The following HS3ST4 variants were observed in gnomAD, a reference collection of about 807,000 sequenced individuals.
The protein encoded by HS3ST4 is heparan sulfate glucosamine 3-O-sulfotransferase 4.
A neutral mutation model predicts 29.2 loss-of-function variants in HS3ST4; 17 were observed. The ratio of observed to expected loss-of-function variants is 0.58; its 90% CI spans 0.40 to 0.87. The LOEUF is 0.87. HS3ST4 is among the 40% of genes least tolerant of loss of function. The pLI is 0.00. For synonymous variants in HS3ST4, 314 were observed against 285.7 expected, an observed-to-expected ratio of 1.10 and a Z score of -1.00; for missense variants, 627 against 634.5, an observed-to-expected ratio of 0.99 and a Z score of 0.13.
intron 1 of HS3ST4, among the ~76,000 whole-genome samples, chr16:25,962,997 G>C (rs554816004): frequency 2.4e-4 from 37 of 152,296 alleles, no homozygotes; most frequent in Non-Finnish European, 4.3e-4. Flanking sequence ...TGTAGAGGAA[G>C]GTGTATTTAT....
At chr16:26,038,589 G>A (rs1969605869) in intron 1 of HS3ST4, among the ~76,000 whole-genome samples, 1 of 151,960 alleles carries the variant, frequency 6.6e-6, no homozygotes, top group South Asian at 2.1e-4. Context: ...CTCTGCTCAT[G>A]GGCCCTCTCT....
chr16:25,869,403 G>C (rs1314627043), intron 1 of HS3ST4, among the ~76,000 whole-genome samples: 1 of 152,156 alleles, frequency 6.6e-6, no homozygotes, highest in Non-Finnish European at 1.5e-5. Context: ...GCTGAAGGAA[G>C]ACCCCTCAGG....
intron 1 of HS3ST4, among the ~76,000 whole-genome samples, chr16:25,753,391 T>A (rs2141602792): frequency 6.6e-6 from 1 of 152,348 alleles, no homozygotes; most frequent in South Asian, 2.1e-4. Flanking sequence ...AGTCCAGGTC[T>A]CATAACATTA....
At position 25,788,540 on chromosome 16, in the gene HS3ST4, C is replaced by CTTTTTTTTT. The variant is rs34729954; in HGVS notation, c.734+95392_734+95393insTTTTTTTTT. ...TTCCTACATTTTTTTTTCTTTTCTT[C>CTTTTTTTTT]TTTCTTTTTTTTTTTTTTTTGACAG... On this transcript the variant is annotated intron_variant, in intron 1 of 1. Coordinates refer to ENST00000331351, the MANE Select transcript of HS3ST4 (RefSeq NM_006040.3). 1.5e-3 allele frequency among the ~76,000 whole-genome samples: 148 copies of CTTTTTTTTT among 99,044 alleles called. 5 individuals are homozygous for CTTTTTTTTT. The highest frequency in any genetic ancestry group is 2.2e-3 in the Non-Finnish European group (117 of 52,390). The allele number at this position is 99,044 out of a possible 152,430, so 65.0% of individuals were successfully genotyped here.
chr16:25,753,004 A>T (rs1292401922), intron 1 of HS3ST4, among the ~76,000 whole-genome samples: 1 of 152,220 alleles, frequency 6.6e-6, no homozygotes, highest in East Asian at 1.9e-4. Context: ...CATATGTTGG[A>T]CCCACAAAGA....
intron 1 of HS3ST4, among the ~76,000 whole-genome samples, chr16:26,081,790 T>C (rs1260592179): frequency 7.8e-6 from 1 of 129,008 alleles, no homozygotes; most frequent in African/African-American, 3.4e-5. Context: ...TACATTCTTT[T>C]TTTTTTTTTT....
rs1295632090 is a variant in HS3ST4 at position 25,873,267 on chromosome 16, C to T, written c.734+180116C>T. 2.0e-5 allele frequency among the ~76,000 whole-genome samples: 3 copies of T among 149,374 alleles called. No homozygotes were observed. The Admixed American group carries it at 2.0e-4, about 10-fold the overall frequency. On this transcript the variant is annotated intron_variant, in intron 1 of 1. Transcript: ENST00000331351. ...CCAGCTAGCAAGCCATCCATCCATC[C>T]ATTTGTCCATTCATCCATCCATCCA...
At chr16:25,768,375 A>G (rs982071478) in intron 1 of HS3ST4, among the ~76,000 whole-genome samples, 1 of 152,204 alleles carries the variant, frequency 6.6e-6, no homozygotes. Context: ...GGGCATCTGC[A>G]TTAGATCCCT....
chr16:25,812,447 A>G (rs1370455409), intron 1 of HS3ST4, among the ~76,000 whole-genome samples: 1 of 152,222 alleles, frequency 6.6e-6, no homozygotes, highest in Non-Finnish European at 1.5e-5. Flanking sequence ...ATTGCCTAAT[A>G]GTCTTCTAGT....
chr16:26,125,752 G>T (rs932082008), intron 1 of HS3ST4, among the ~76,000 whole-genome samples: 1 of 152,214 alleles, frequency 6.6e-6, no homozygotes, highest in East Asian at 1.9e-4. Context: ...TTCGCTCATC[G>T]CCTGGCTGGG....
At chr16:25,767,742 C>A (rs1289711658) in intron 1 of HS3ST4, among the ~76,000 whole-genome samples, 1 of 152,126 alleles carries the variant, frequency 6.6e-6, no homozygotes, top group East Asian at 1.9e-4. Context: ...ATGTCTGGCA[C>A]ATGGCAAACG....
At chr16:25,812,337 C>G (rs1967049726) in intron 1 of HS3ST4, among the ~76,000 whole-genome samples, 1 of 152,218 alleles carries the variant, frequency 6.6e-6, no homozygotes, top group African/African-American at 2.4e-5. Flanking sequence ...GCAGCATTGC[C>G]TAAATGCCCA....
chr16:26,020,789 C>T (rs1354392826), intron 1 of HS3ST4, among the ~76,000 whole-genome samples: 1 of 152,174 alleles, frequency 6.6e-6, no homozygotes, highest in African/African-American at 2.4e-5. Context: ...TTTAGGTGAT[C>T]CGTGTGCAGG....
At chr16:25,785,133 C>T (rs1336532727) in intron 1 of HS3ST4, among the ~76,000 whole-genome samples, 2 of 152,200 alleles carry the variant, frequency 1.3e-5, no homozygotes, top group African/African-American at 2.4e-5. Context: ...ACTGTTAAGA[C>T]CTACTGCTTT....
chr16:26,022,059 C>A (rs1969418219), intron 1 of HS3ST4, among the ~76,000 whole-genome samples: 1 of 151,548 alleles, frequency 6.6e-6, no homozygotes, highest in Non-Finnish European at 1.5e-5. Context: ...AACTTCTGGG[C>A]TCCAGTGATC....
At chr16:26,044,007 A>G (rs1898235953) in intron 1 of HS3ST4, among the ~76,000 whole-genome samples, 1 of 152,236 alleles carries the variant, frequency 6.6e-6, no homozygotes, top group Non-Finnish European at 1.5e-5. Context: ...CATATTTTGC[A>G]GCATAGGAAA....
At chr16:25,791,876 G>GTCTGATATAGGTC (rs1254418988) in intron 1 of HS3ST4, among the ~76,000 whole-genome samples, 1 of 151,672 alleles carries the variant, frequency 6.6e-6, no homozygotes, top group Non-Finnish European at 1.5e-5. Context: ...TTGTCTTATG[G>GTCTGATATAGGTC]CACCATAGGT....
chr16:25,849,971 C>T lies in HS3ST4; in HGVS notation c.734+156820C>T, dbSNP rs555322153. Among the ~76,000 whole-genome samples the T allele has an allele frequency of 2.0e-5, 3 of 148,478 alleles. 1 individual carries two copies. The highest frequency in any genetic ancestry group is 4.3e-4 in the South Asian group (2 of 4,660). On this transcript the variant is annotated intron_variant, in intron 1 of 1. Transcript: ENST00000331351. ...TGGATTACTTTGTTTTGTTTTATGT[C>T]GTATAATGAAAATATAGATGCCTAG...
intron 1 of HS3ST4, among the ~76,000 whole-genome samples, chr16:26,090,823 C>T (rs1473242731): frequency 6.6e-6 from 1 of 152,030 alleles, no homozygotes; most frequent in East Asian, 1.9e-4. Context: ...CCACCCTGGC[C>T]CCACCCCTCA....
Sources: allele counts gnomAD v4.1 joint callset (sites outside exome capture counted in the v4.1 genomes callset), GRCh38; gene constraint gnomAD v4.1.1; transcripts MANE v1.5; gene names NCBI Gene and HGNC (gene_info 2026-07-23, HGNC 2026-07-21).